ADCY7: variants seen among roughly 807,000 people sequenced by gnomAD.
ADCY7 encodes the protein adenylate cyclase type 7.
A neutral mutation model predicts 120.6 loss-of-function variants in ADCY7; 72 were observed. The observed-to-expected ratio is 0.60, with a 90% CI of 0.49 to 0.73. The LOEUF is 0.73. Ranked by LOEUF, ADCY7 falls within the 30% of genes least tolerant of loss-of-function variation. The pLI is 0.00. For synonymous variants in ADCY7, 661 were observed against 628.0 expected, an observed-to-expected ratio of 1.05 and a Z score of -0.78; for missense variants, 1,227 against 1,486.0, an observed-to-expected ratio of 0.83 and a Z score of 2.87.
Position 50,290,486 on chromosome 16 carries a change from C to T in ADCY7, c.201C>T (p.Gly67=). Residue 67 remains glycine, a synonymous_variant, in exon 3 of 26, where the codon GGC becomes GGT. Coordinates refer to ENST00000673801, the MANE Select transcript of ADCY7 (RefSeq NM_001114.5). ...GDPSRHQAIL[G]MAFLVLAVFA... ...CCTCCAGACACCAGGCCATTCTGGGCATGGCGTTCCTGGTGCTGGCGGTGT... is the reference window on the plus strand; with the variant it reads ...CCTCCAGACACCAGGCCATTCTGGGTATGGCGTTCCTGGTGCTGGCGGTGT... 6.2e-7 allele frequency: 1 copy of T among 1,614,216 alleles called. No individual in the cohort carries two copies. The highest frequency in any genetic ancestry group is 1.3e-5 in the African/African-American group (1 of 75,056).
intron 10 of ADCY7, among the ~76,000 whole-genome samples, chr16:50,303,605 T>G (rs1450998709): frequency 1.3e-5 from 2 of 151,222 alleles, no homozygotes; most frequent in African/African-American, 4.9e-5. Context: ...TGTTCTTGGA[T>G]CGGGGTGGGG....
intron 1 of ADCY7, among the ~76,000 whole-genome samples, chr16:50,257,296 G>A (rs1188484451): frequency 6.6e-6 from 1 of 152,044 alleles, no homozygotes; most frequent in African/African-American, 2.4e-5. Context: ...GGTTACCAGA[G>A]GCTGTGTGTA....
intron 22 of ADCY7, 137 bp downstream of exon 22, chr16:50,313,173 T>C: frequency 4.9e-6 from 6 of 1,224,748 alleles, no homozygotes; most frequent in South Asian, 4.6e-5. Context: ...TCCCAGCACT[T>C]TGGGAGGTCA....
Position 50,315,210 on chromosome 16 carries a change from A to G in ADCY7, c.3096+72A>G, listed in dbSNP as rs542244816. On this transcript the variant is annotated intron_variant, in intron 25 of 25. Coordinates refer to ENST00000673801, the MANE Select transcript of ADCY7 (RefSeq NM_001114.5). Reference sequence around the variant, plus strand: ...CCCAGAGGTGAGGGGACTTGGACTTAAGAGCTGCTGTCTCACCCAGCAGCC... The same window carrying G: ...CCCAGAGGTGAGGGGACTTGGACTTGAGAGCTGCTGTCTCACCCAGCAGCC... 1.2e-3 allele frequency: 1,895 copies of G among 1,589,144 alleles called. 2 individuals carry two copies. The highest frequency in any genetic ancestry group is 1.5e-3 in the Non-Finnish European group (1,751 of 1,165,918).
intron 1 of ADCY7, among the ~76,000 whole-genome samples, chr16:50,256,815 G>T (rs990276498): frequency 1.3e-5 from 2 of 152,084 alleles, no homozygotes; most frequent in African/African-American, 4.8e-5. Flanking sequence ...CCTTCCTTCC[G>T]CTTGTGGGTA....
At position 50,316,521 on chromosome 16, in the gene ADCY7, T is replaced by A. The variant is rs1483906776; in HGVS notation, c.*1016T>A. 1 of 152,382 alleles carries A rather than the reference T, an allele frequency of 6.6e-6. No homozygotes were observed. The highest frequency in any genetic ancestry group is 2.4e-5 in the African/African-American group (1 of 41,464). 9.4% of individuals were successfully genotyped at this position (152,382 alleles called of 1,614,324 possible). A position where few individuals can be genotyped will look rare whatever the true frequency, so the allele number is the denominator to read the frequency against. On this transcript the variant is annotated 3_prime_UTR_variant, in exon 26 of 26. Transcript: ENST00000673801. ...GACAACCTGTGAGTGCATCTCTTCT[T>A]TCCTTTAGTCTTCACAGCTAACTCT...
Position 50,297,520 on chromosome 16 carries a change from A to G in ADCY7, c.949-1384A>G, listed in dbSNP as rs1596934592. ...CCACTGTCCTCTTGTCCTTGCAGTC[A>G]CTCAGAACTCACTCAGCATGTGCCA... On this transcript the variant is annotated intron_variant, in intron 7 of 25. Transcript: ENST00000673801. This position sits in a 1 kb window ranked among gnomAD's most constrained non-coding sequence, Gnocchi z 4.4. Among the ~76,000 whole-genome samples, 1 of 152,282 alleles carries G rather than the reference A, an allele frequency of 6.6e-6. No individual in the cohort carries two copies. The highest frequency in any genetic ancestry group is 6.5e-5 in the Admixed American group (1 of 15,300).
upstream of ADCY7, among the ~76,000 whole-genome samples, chr16:50,261,663 C>T (rs944539032): frequency 4.0e-5 from 6 of 151,010 alleles, no homozygotes; most frequent in Admixed American, 6.6e-5. Flanking sequence ...GAGTGGGCCA[C>T]ATCTCCTGAC....
At chr16:50,299,481 C>G (rs1357891233) in intron 8 of ADCY7, among the ~76,000 whole-genome samples, 3 of 152,230 alleles carry the variant, frequency 2.0e-5, no homozygotes, top group Non-Finnish European at 2.9e-5. Flanking sequence ...CCCTCTAGGT[C>G]CCCTGTGGCT....
In ADCY7 at chr16:50,297,809, C is replaced by T. The variant is rs1480332756; in HGVS notation, c.949-1095C>T. The stretch of plus-strand genomic sequence containing the variant: ...CAGGACAGAGCCCTCTTAGCTCCCT[C>T]CTGGCCAGAAGCCAGAGCACAGGGC... On this transcript the variant is annotated intron_variant, in intron 7 of 25. Coordinates refer to ENST00000673801, the MANE Select transcript of ADCY7 (RefSeq NM_001114.5). This position sits in a 1 kb window ranked among gnomAD's most constrained non-coding sequence, Gnocchi z 4.4. Among the ~76,000 whole-genome samples, 1 of 152,190 alleles carries T rather than the reference C, an allele frequency of 6.6e-6. No individual in the cohort carries two copies. Among genetic ancestry groups the T allele is most frequent in the East Asian group, 1.9e-4 (1 of 5,186 alleles).
At chr16:50,301,479 G>A (rs1191764887) in intron 10 of ADCY7, among the ~76,000 whole-genome samples, 3 of 152,232 alleles carry the variant, frequency 2.0e-5, no homozygotes, top group African/African-American at 7.2e-5. Context: ...TTCACAGTGC[G>A]CCTGGCACGT....
At chr16:50,308,933 G>GA in intron 17 of ADCY7, 141 bp downstream of exon 17, 1 of 1,139,214 alleles carries the variant, frequency 8.8e-7, no homozygotes, top group Non-Finnish European at 1.2e-6. Context: ...GTTCCCCTTT[G>GA]TACACTCAGG....
At chr16:50,275,170 C>T (rs2033805883) in intron 1 of ADCY7, among the ~76,000 whole-genome samples, 2 of 152,240 alleles carry the variant, frequency 1.3e-5, no homozygotes, top group Admixed American at 6.5e-5. Context: ...GAGCCCTGGT[C>T]TTTCACTCAG....
intron 1 of ADCY7, among the ~76,000 whole-genome samples, chr16:50,286,483 G>T (rs955802932): frequency 6.6e-6 from 1 of 150,636 alleles, no homozygotes; most frequent in African/African-American, 2.4e-5. Flanking sequence ...GGAGCTTACT[G>T]TAACACAGAT....
In ADCY7 at chr16:50,288,368, C is replaced by T. The variant is rs1308402472; in HGVS notation, c.171+18C>T. 1.3e-6 allele frequency: 2 copies of T among 1,527,104 alleles called. No individual in the cohort carries two copies. The highest frequency in any genetic ancestry group is 1.2e-5 in the South Asian group (1 of 82,472). The allele number at this position is 1,527,104 out of a possible 1,614,324, so 94.6% of individuals were successfully genotyped here. A position where few individuals can be genotyped will look rare whatever the true frequency, so the allele number is the denominator to read the frequency against. On this transcript the variant is annotated intron_variant, in intron 2 of 25. Transcript: ENST00000673801. ...GCCAGGGGGTGAGTGAGGGCAGCCC[C>T]TGGGCTTCACGTCTCGGCCCCAACC...
chr16:50,286,637 T>A (rs1457691761), intron 1 of ADCY7, among the ~76,000 whole-genome samples: 1 of 151,842 alleles, frequency 6.6e-6, no homozygotes, highest in African/African-American at 2.4e-5. Flanking sequence ...CCTGGAGGCA[T>A]GAGACTCACT....
intron 1 of ADCY7, among the ~76,000 whole-genome samples, chr16:50,282,372 G>T (rs1233318703): frequency 1.3e-5 from 2 of 152,242 alleles, no homozygotes; most frequent in African/African-American, 4.8e-5. Context: ...CTTCCAGCAG[G>T]TCTTCTGGCT....
In ADCY7 at chr16:50,300,879, G is replaced by A. The variant is rs2035670176; in HGVS notation, c.1235+6G>A. ...GAGGCAGCCGGAGTACCCGGGTGAG[G>A]CTGGGCTGGGTAGCCGCAGGGACAG... On this transcript the variant is annotated splice_donor_region_variant and intron_variant, in intron 9 of 25. Coordinates refer to ENST00000673801, the MANE Select transcript of ADCY7 (RefSeq NM_001114.5). The A allele has an allele frequency of 1.3e-6, 2 of 1,554,532 alleles. No homozygotes were observed. The highest frequency in any genetic ancestry group is 1.7e-6 in the Non-Finnish European group (2 of 1,148,714).
intron 1 of ADCY7, among the ~76,000 whole-genome samples, chr16:50,286,545 C>A (rs143590894): frequency 6.6e-6 from 1 of 152,128 alleles, no homozygotes; most frequent in Non-Finnish European, 1.5e-5. Context: ...CCTATGCCCC[C>A]CCACCTTCCC....
Sources: allele counts gnomAD v4.1 joint callset (sites outside exome capture counted in the v4.1 genomes callset), GRCh38; gene constraint gnomAD v4.1.1; non-coding constraint Gnocchi (gnomAD v3.1); transcripts MANE v1.5; gene names NCBI Gene and HGNC (gene_info 2026-07-23, HGNC 2026-07-21).